LEPR: variants seen among roughly 807,000 people sequenced by gnomAD.
LEPR encodes the protein OB receptor.
LEPR carries 56 observed loss-of-function variants against 114.7 expected under a neutral mutation model. The observed-to-expected ratio is 0.49, with a 90% CI of 0.39 to 0.61. The LOEUF (loss-of-function observed/expected upper bound fraction) is 0.61, where lower values mean the gene tolerates loss of function less well. Among genes scored for constraint, LEPR ranks in the 20% least tolerant of loss-of-function variants. The pLI is 0.00. For missense variants in LEPR, 1,202 were observed against 1,352.9 expected (o/e 0.89, Z 1.75); for synonymous variants, 443 against 461.4 (o/e 0.96, Z 0.51).
At chr1:65,548,766 T>A (rs1652008517) in intron 2 of LEPR, among the ~76,000 whole-genome samples, 1 of 151,706 alleles carries the variant, frequency 6.6e-6, no homozygotes, top group Admixed American at 6.6e-5. Context: ...TTATCCAATT[T>A]TCCAGTCTGT....
chr1:65,480,071 A>C (rs1485870284), intron 2 of LEPR, among the ~76,000 whole-genome samples: 1 of 152,200 alleles, frequency 6.6e-6, no homozygotes, highest in Non-Finnish European at 1.5e-5. Flanking sequence ...TCTACCCTTC[A>C]GTTCTAGATT....
intron 2 of LEPR, among the ~76,000 whole-genome samples, chr1:65,489,787 C>T (rs1026882919): frequency 6.6e-6 from 1 of 152,118 alleles, no homozygotes; most frequent in Non-Finnish European, 1.5e-5. Context: ...AACATTTAAA[C>T]ACTCATTTTC....
At chr1:65,570,374 A>G (rs1654068271) in intron 3 of LEPR, 99 bp from the exon 4 acceptor site, 2 of 1,165,604 alleles carry the variant, frequency 1.7e-6, no homozygotes, top group Non-Finnish European at 2.4e-6. Flanking sequence ...AAAGTTAAAT[A>G]ATTATTGAGC....
In LEPR at chr1:65,610,102, A is replaced by C; in HGVS notation, c.1908A>C (p.Ile636=). 2 of 1,614,214 alleles carry C rather than the reference A, an allele frequency of 1.2e-6. No homozygotes were observed. The highest frequency in any genetic ancestry group is 1.1e-5 in the South Asian group (1 of 91,084). Residue 636 remains isoleucine, a synonymous_variant, in exon 13 of 20, where the codon ATA becomes ATC. Transcript: ENST00000349533. Reference sequence around the variant, plus strand: ...CAGCCTACACAGTTGTCATGGATATAAAAGGTCTGCAGAGATTTTGTAAAT... The same window carrying C: ...CAGCCTACACAGTTGTCATGGATATCAAAGGTCTGCAGAGATTTTGTAAAT... The part of the protein sequence containing the change: ...SNPAYTVVMD[I]KVPMRGPEFW...
chr1:65,633,205 G>A lies in LEPR; in HGVS notation c.2674-2986G>A, dbSNP rs780361317. 43 of 1,609,094 alleles carry A rather than the reference G, an allele frequency of 2.7e-5. No individual in the cohort carries two copies. Among genetic ancestry groups the A allele is most frequent in the Non-Finnish European group, 3.5e-5 (41 of 1,177,702 alleles). Reference sequence around the variant, plus strand: ...TGATCACTACAGATGAACCCAATGTGCCAACTTCCCAACAGTCTATAGAGT... The same window carrying A: ...TGATCACTACAGATGAACCCAATGTACCAACTTCCCAACAGTCTATAGAGT... On this transcript the variant is annotated intron_variant, in intron 19 of 19. Transcript: ENST00000349533. This position sits in a 1 kb window ranked among gnomAD's most constrained non-coding sequence, Gnocchi z 4.1.
Position 65,601,974 on chromosome 1 carries a change from T to G in LEPR, c.1403+14T>G. The G allele has an allele frequency of 6.2e-7, 1 of 1,607,992 alleles. No homozygotes were observed. The highest frequency in any genetic ancestry group is 8.5e-7 in the Non-Finnish European group (1 of 1,174,526). On this transcript the variant is annotated intron_variant, in intron 10 of 19. Coordinates refer to ENST00000349533, the MANE Select transcript of LEPR (RefSeq NM_002303.6). ...GAGGTATCATAGGTACGTATTATTT[T>G]TGCTGTTTTGTTTTTCTGTGGGCAC...
At chr1:65,539,529 C>A (rs567071676) in intron 2 of LEPR, among the ~76,000 whole-genome samples, 2 of 152,108 alleles carry the variant, frequency 1.3e-5, no homozygotes, top group African/African-American at 2.4e-5. Context: ...TTTACCATAC[C>A]GGTGCCAAGT....
intron 19 of LEPR, chr1:65,626,198 C>A (rs766880293): frequency 6.2e-7 from 1 of 1,602,366 alleles, no homozygotes; most frequent in African/African-American, 1.3e-5. Flanking sequence ...CGTCCTACCT[C>A]GCTGCCGCAC....
intron 10 of LEPR, among the ~76,000 whole-genome samples, chr1:65,604,303 G>T (rs12077336): frequency 0.18 from 26,647 of 151,884 alleles, 2,489 homozygotes; most frequent in Middle Eastern, 0.24. Flanking sequence ...TTTTTAGATG[G>T]AGTGAAATTG....
At chr1:65,572,057 T>G (rs1654222245) in intron 4 of LEPR, among the ~76,000 whole-genome samples, 1 of 151,262 alleles carries the variant, frequency 6.6e-6, no homozygotes, top group South Asian at 2.1e-4. Context: ...TTTAAGTGGT[T>G]TGAAATTAAA....
At chr1:65,612,592 G>A (rs1657244702) in intron 14 of LEPR, among the ~76,000 whole-genome samples, 1 of 149,460 alleles carries the variant, frequency 6.7e-6, no homozygotes, top group South Asian at 2.2e-4. Flanking sequence ...CCATCAAATG[G>A]GTTTTGTCTA....
At chr1:65,433,000 G>A (rs1018987634) in intron 2 of LEPR, 74 of 985,288 alleles carry the variant, frequency 7.5e-5, no homozygotes, top group Non-Finnish European at 8.3e-5. Flanking sequence ...GGGAACAGAT[G>A]TATCTTTTCA....
chr1:65,446,172 T>G (rs1646711481), intron 2 of LEPR, among the ~76,000 whole-genome samples: 1 of 152,252 alleles, frequency 6.6e-6, no homozygotes, highest in Non-Finnish European at 1.5e-5. Flanking sequence ...AACTTTGTAC[T>G]AAACTGGGAT....
chr1:65,635,136 G>T (rs1658672873), intron 19 of LEPR: 1 of 943,730 alleles, frequency 1.1e-6, no homozygotes, highest in African/African-American at 1.8e-5. Flanking sequence ...AAGAACAGCT[G>T]GGTATACCAT....
chr1:65,507,110 G>A (rs1648770036), intron 2 of LEPR, among the ~76,000 whole-genome samples: 2 of 152,052 alleles, frequency 1.3e-5, no homozygotes, highest in African/African-American at 4.8e-5. Context: ...GAGTGCAGTG[G>A]CGCAATCTTG....
chr1:65,501,032 T>G (rs1457367165), intron 2 of LEPR, among the ~76,000 whole-genome samples: 1 of 152,246 alleles, frequency 6.6e-6, no homozygotes. Flanking sequence ...TAGATATGAT[T>G]TAACCTGCAT....
rs542252749 is a variant in LEPR at position 65,615,497 on chromosome 1, G to C, written c.1996-511G>C. On this transcript the variant is annotated intron_variant, in intron 14 of 19. Coordinates refer to ENST00000349533, the MANE Select transcript of LEPR (RefSeq NM_002303.6). The stretch of plus-strand genomic sequence containing the variant: ...CCTTTGCAGACATTCTTACATTCTA[G>C]ATAATCTTCCAAGAGTATCAGAGGA... Among the ~76,000 whole-genome samples, 142 of 152,170 alleles carry C rather than the reference G, an allele frequency of 9.3e-4. 1 individual carries two copies. Among genetic ancestry groups the C allele is most frequent in the African/African-American group, 3.3e-3 (135 of 41,518 alleles).
intron 2 of LEPR, among the ~76,000 whole-genome samples, chr1:65,443,165 A>G (rs1013830350): frequency 6.6e-6 from 1 of 152,212 alleles, no homozygotes; most frequent in Admixed American, 6.5e-5. Flanking sequence ...AGGAGAATCT[A>G]TACACTATTA....
At chr1:65,511,429 TACAC>T (rs5774756) in intron 2 of LEPR, among the ~76,000 whole-genome samples, 33,825 of 147,380 alleles carry the variant, frequency 0.23, 4,563 homozygotes, top group East Asian at 0.62. Context: ...TATATATGTA[TACAC>T]ACACACACAC....
Sources: gnomAD v4.1 joint callset for allele counts (sites outside exome capture counted in the v4.1 genomes callset) on GRCh38, gnomAD v4.1.1 for gene constraint, Gnocchi (gnomAD v3.1) non-coding constraint, MANE v1.5 for transcripts, NCBI Gene and HGNC (gene_info 2026-07-23, HGNC 2026-07-21) for gene names.